Variants in TLE2 observed in about 807,000 individuals in gnomAD.
The protein encoded by TLE2 is TLE family member 2, transcriptional corepressor, also known as transducin-like enhancer protein 2.
In TLE2, 74 loss-of-function variants were observed where a neutral mutation model predicts 97.2. That is an observed-to-expected ratio of 0.76 (90% CI 0.63 to 0.92). The LOEUF (loss-of-function observed/expected upper bound fraction) is 0.92. Ranked by LOEUF, TLE2 falls within the 40% of genes least tolerant of loss-of-function variation. The probability of loss-of-function intolerance (pLI) is 0.00; values close to 1 mark genes in which losing one functional copy is unlikely to be tolerated. For missense variants in TLE2, 1,038 were observed against 1,008.7 expected (o/e 1.03, Z -0.39); for synonymous variants, 499 against 432.1 (o/e 1.15, Z -1.92).
Position 3,006,149 on chromosome 19 carries a change from A to C in TLE2, c.1501-181T>G, listed in dbSNP as rs116529982. The C allele has an allele frequency of 6.3e-6, 6 of 946,202 alleles. No individual in the cohort carries two copies. The Admixed American group carries it at 1.0e-4, about 16-fold the overall frequency. 58.6% of individuals were successfully genotyped at this position (946,202 alleles called of 1,614,324 possible). A position where few individuals can be genotyped will look rare whatever the true frequency, so the allele number is the denominator to read the frequency against. ...CCTGCAAACACTGCCCCATCTGACTATAAGCTCCATCCTTTACCTATAAGC... is the reference window on the plus strand; with the variant it reads ...CCTGCAAACACTGCCCCATCTGACTCTAAGCTCCATCCTTTACCTATAAGC... On this transcript the variant is annotated intron_variant, in intron 15 of 19. Coordinates refer to ENST00000262953, the MANE Select transcript of TLE2 (RefSeq NM_003260.5).
In TLE2 at chr19:3,009,651, A is replaced by G. The variant is rs1172617572; in HGVS notation, c.1064T>C (p.Leu355Pro). 6.2e-7 allele frequency: 1 copy of G among 1,613,072 alleles called. No individual in the cohort carries two copies. Among genetic ancestry groups the G allele is most frequent in the South Asian group, 1.1e-5 (1 of 90,784 alleles). The stretch of plus-strand genomic sequence containing the variant: ...TCCGTTGAGAGTGCTGTGGGAGCCC[A>G]GGCTGAAGGACGTGGTGAAGGGACT... ...LSSPFTTSFS[L>P]GSHSTLNGDL... Residue 355 changes from leucine (L) to proline (P), a missense_variant, in exon 13 of 20, where the codon CTG becomes CCG. Leu to Pro is a moderately conservative substitution (Grantham distance 98). Coordinates refer to ENST00000262953, the MANE Select transcript of TLE2 (RefSeq NM_003260.5).
upstream of TLE2, among the ~76,000 whole-genome samples, chr19:3,032,652 G>A (rs561437390): frequency 6.6e-6 from 1 of 152,250 alleles, no homozygotes; most frequent in East Asian, 1.9e-4. This position sits in a 1 kb window ranked among gnomAD's most constrained non-coding sequence, Gnocchi z 4.1. Flanking sequence ...TCTCTGCGGG[G>A]CCTGGCACAC....
At chr19:3,014,716 G>T in intron 9 of TLE2, 102 bp from the exon 10 acceptor site, 1 of 1,101,438 alleles carries the variant, frequency 9.1e-7, no homozygotes, top group Non-Finnish European at 1.2e-6. Flanking sequence ...GCCAGCCCTG[G>T]GGCATGACTG....
intron 1 of TLE2, among the ~76,000 whole-genome samples, chr19:3,038,129 T>A (rs148097259): frequency 1.7e-3 from 256 of 152,062 alleles, no homozygotes; most frequent in African/African-American, 5.9e-3. Flanking sequence ...CTCAAAAAAA[T>A]AATAATAACA....
chr19:3,000,364 C>T (rs952129720), intron 19 of TLE2, among the ~76,000 whole-genome samples: 6 of 151,988 alleles, frequency 3.9e-5, no homozygotes, highest in African/African-American at 1.2e-4. Flanking sequence ...CATGAGCGAC[C>T]GTGCCCGGCT....
chr19:3,028,032 G>A (rs1258772736), intron 3 of TLE2, among the ~76,000 whole-genome samples, 159 bp from the exon 4 acceptor site: 1 of 152,056 alleles, frequency 6.6e-6, no homozygotes, highest in Non-Finnish European at 1.5e-5. Flanking sequence ...GAGGAAGCGG[G>A]GGCTCTGCCT....
chr19:3,043,606 T>C (rs1186505189), intron 1 of TLE2, among the ~76,000 whole-genome samples: 2 of 147,514 alleles, frequency 1.4e-5, no homozygotes, highest in Non-Finnish European at 3.0e-5. Flanking sequence ...GAGATCAACC[T>C]GGCCAACATG....
chr19:3,033,808 C>T (rs2090043541), upstream of TLE2, among the ~76,000 whole-genome samples: 1 of 152,110 alleles, frequency 6.6e-6, no homozygotes, highest in African/African-American at 2.4e-5. Flanking sequence ...AGTTTGAGAC[C>T]AGCCTGGGCA....
intron 3 of TLE2, 122 bp from the exon 4 acceptor site, chr19:3,027,995 C>T (rs541886722): frequency 1.5e-5 from 15 of 1,006,014 alleles, no homozygotes; most frequent in Non-Finnish European, 2.3e-5. Flanking sequence ...GAAGCAGAGC[C>T]CCCCCCAGCT....
chr19:3,015,252 G>A (rs931145528), intron 9 of TLE2, among the ~76,000 whole-genome samples: 1 of 152,186 alleles, frequency 6.6e-6, no homozygotes, highest in African/African-American at 2.4e-5. Context: ...GGATGCTAGA[G>A]TTGGAAACTA....
chr19:3,004,558 G>A (rs1418422697), intron 17 of TLE2, among the ~76,000 whole-genome samples: 5 of 148,126 alleles, frequency 3.4e-5, no homozygotes, highest in Non-Finnish European at 7.4e-5. Flanking sequence ...AGAATCATTT[G>A]AACCTGGGAG....
chr19:3,031,324 C>T (rs2090022759), upstream of TLE2, among the ~76,000 whole-genome samples: 2 of 145,726 alleles, frequency 1.4e-5, no homozygotes, highest in South Asian at 2.2e-4. Flanking sequence ...AGAGACACAG[C>T]CTGGGATAAA....
chr19:3,019,988 T>C lies in TLE2; in HGVS notation c.295-215A>G, dbSNP rs59931576. ...AAACCAAACCTAAGTGCAGGTAGAA[T>C]AGTTACAAATCAGGCCGGGCATGGT... On this transcript the variant is annotated intron_variant, in intron 5 of 19. Transcript: ENST00000262953. The surrounding 1 kb of genome is among the most constrained non-coding windows in gnomAD (Gnocchi z 5.1). 4.1e-5 allele frequency: 27 copies of C among 659,696 alleles called. 1 individual carries two copies. The highest frequency in any genetic ancestry group is 3.5e-4 in the African/African-American group (19 of 54,896). The allele number at this position is 659,696 out of a possible 1,614,324, so 40.9% of individuals were successfully genotyped here.
intron 11 of TLE2, among the ~76,000 whole-genome samples, chr19:3,013,434 G>C (rs755554275): frequency 3.3e-5 from 5 of 151,932 alleles, no homozygotes; most frequent in Non-Finnish European, 5.9e-5. Context: ...GTAGTGAATT[G>C]CCTTTTAAAA....
chr19:3,008,748 G>T lies in TLE2; in HGVS notation c.1250+121C>A, dbSNP rs555234646. 55 of 721,928 alleles carry T rather than the reference G, an allele frequency of 7.6e-5. No homozygotes were observed. In the African/African-American group the frequency reaches 9.4e-4, roughly 12 times the overall value. The allele number at this position is 721,928 out of a possible 1,614,324, so 44.7% of individuals were successfully genotyped here. A position where few individuals can be genotyped will look rare whatever the true frequency, so the allele number is the denominator to read the frequency against. ...TTACAGGAGTGAACCACTGTGCCCGGCCCACACAAGAGACTTTCTAGAAGG... is the reference window on the plus strand; with the variant it reads ...TTACAGGAGTGAACCACTGTGCCCGTCCCACACAAGAGACTTTCTAGAAGG... On this transcript the variant is annotated intron_variant, in intron 14 of 19. Transcript: ENST00000262953.
chr19:3,012,873 C>T (rs1406857169), intron 11 of TLE2, among the ~76,000 whole-genome samples: 1 of 152,204 alleles, frequency 6.6e-6, no homozygotes, highest in Non-Finnish European at 1.5e-5. Context: ...CACCGGCACC[C>T]GCGAGAGAGT....
chr19:3,030,949 T>TC (rs1297008918), upstream of TLE2, among the ~76,000 whole-genome samples: 1 of 64,352 alleles, frequency 1.6e-5, no homozygotes, highest in Non-Finnish European at 3.3e-5. Flanking sequence ...GGACCTTGTC[T>TC]CAAAAAAAAA....
chr19:3,026,570 G>A (rs528197624), intron 4 of TLE2, among the ~76,000 whole-genome samples: 16 of 150,210 alleles, frequency 1.1e-4, no homozygotes, highest in Non-Finnish European at 2.2e-4. Flanking sequence ...TATGATAATC[G>A]CAGAACCCTG....
intron 8 of TLE2, 170 bp from the exon 9 acceptor site, chr19:3,015,930 T>A (rs757319309): frequency 2.3e-5 from 16 of 693,526 alleles, no homozygotes; most frequent in Non-Finnish European, 3.9e-5. Flanking sequence ...TAAGGTTTTG[T>A]TCTCTCTTCT....
Sources: allele counts gnomAD v4.1 joint callset (sites outside exome capture counted in the v4.1 genomes callset), GRCh38; gene constraint gnomAD v4.1.1; non-coding constraint Gnocchi (gnomAD v3.1); transcripts MANE v1.5; gene names NCBI Gene and HGNC (gene_info 2026-07-23, HGNC 2026-07-21).